Variants in SIAE observed in about 807,000 individuals in gnomAD.
SIAE encodes the protein sialate O-acetylesterase.
A neutral mutation model predicts 52.6 loss-of-function variants in SIAE; 39 were observed. The observed-to-expected ratio is 0.74, with a 90% CI of 0.57 to 0.97. The LOEUF is 0.97. Ranked by LOEUF, SIAE falls within the 50% of genes least tolerant of loss-of-function variation. SIAE has a pLI of 0.00. For synonymous variants in SIAE, 233 were observed against 241.4 expected, an observed-to-expected ratio of 0.97 and a Z score of 0.32; for missense variants, 592 against 662.1, an observed-to-expected ratio of 0.89 and a Z score of 1.16.
At chr11:124,638,783 A>C (rs777759570) in intron 8 of SIAE, 46 bp from the exon 9 acceptor site, 2 of 1,481,292 alleles carry the variant, frequency 1.4e-6, no homozygotes, top group Admixed American at 1.7e-5. Flanking sequence ...TAAGCTCAAC[A>C]ATCACCACAT....
intron 1 of SIAE, 66 bp from the exon 2 acceptor site, chr11:124,669,587 G>T: frequency 1.4e-6 from 2 of 1,413,740 alleles, no homozygotes; most frequent in South Asian, 1.2e-5. Context: ...TGGATCAAGT[G>T]AAACAGCAAA....
chr11:124,660,936 T>C, intron 2 of SIAE, 133 bp from the exon 3 acceptor site: 1 of 954,628 alleles, frequency 1.0e-6, no homozygotes, highest in Non-Finnish European at 1.7e-6. Context: ...TGGCCAAATT[T>C]CAGATAAGAG....
At chr11:124,659,253 T>G (rs1352264112) in intron 3 of SIAE, 1 of 152,240 alleles carries the variant, frequency 6.6e-6, no homozygotes, top group Non-Finnish European at 1.5e-5. Flanking sequence ...TGCCTTTCTG[T>G]GCAAACAGGG....
At position 124,636,243 on chromosome 11, in the gene SIAE, CT is replaced by C. The variant is rs1318745725; in HGVS notation, c.*707del. 1 of 152,644 alleles carries C rather than the reference CT, an allele frequency of 6.6e-6. No homozygotes were observed. Among genetic ancestry groups the C allele is most frequent in the Non-Finnish European group, 1.5e-5 (1 of 68,428 alleles). The allele number at this position is 152,644 out of a possible 1,614,324, so 9.5% of individuals were successfully genotyped here. ...CCTGCACATGTTTCTTATTTCATTT[CT>C]TAAACATTCATATTACCACTATTTA... On this transcript the variant is annotated 3_prime_UTR_variant, in exon 10 of 10. Coordinates refer to ENST00000263593, the MANE Select transcript of SIAE (RefSeq NM_170601.5).
chr11:124,664,176 T>C (rs915154565), intron 2 of SIAE, among the ~76,000 whole-genome samples: 9 of 152,056 alleles, frequency 5.9e-5, no homozygotes, highest in South Asian at 2.1e-4. Flanking sequence ...AAGAGAGCCA[T>C]GCAAATTGAC....
intron 2 of SIAE, among the ~76,000 whole-genome samples, chr11:124,668,901 TAAGGTAAG>T (rs933803360): frequency 6.6e-6 from 1 of 152,200 alleles, no homozygotes; most frequent in Non-Finnish European, 1.5e-5. Context: ...TAAGACTTTT[TAAGGTAAG>T]AAGGTAAGAA....
rs1942674876 is a variant in SIAE at position 124,634,348 on chromosome 11, A to AAAAC, written c.*2599_*2602dup. ...AAACTCCAACTCAAAAACAAAAACA[A>AAAAC]AAACACCTTGAAAAACACTGCCTTA... On this transcript the variant is annotated 3_prime_UTR_variant, in exon 10 of 10. Coordinates refer to ENST00000263593, the MANE Select transcript of SIAE (RefSeq NM_170601.5). 1 of 152,182 alleles carries AAAAC rather than the reference A, an allele frequency of 6.6e-6. No homozygotes were observed. Among genetic ancestry groups the AAAAC allele is most frequent in the South Asian group, 2.1e-4 (1 of 4,828 alleles). 9.4% of individuals were successfully genotyped at this position (152,182 alleles called of 1,614,324 possible).
intron 2 of SIAE, among the ~76,000 whole-genome samples, chr11:124,662,628 G>A (rs1017517698): frequency 1.3e-5 from 2 of 152,080 alleles, no homozygotes; most frequent in Admixed American, 6.6e-5. Flanking sequence ...AAACTATTTA[G>A]GCCAAACATA....
At chr11:124,657,752 C>A (rs55705957) in intron 3 of SIAE, among the ~76,000 whole-genome samples, 2,563 of 152,240 alleles carry the variant, frequency 0.017, 70 homozygotes, top group African/African-American at 0.058. Context: ...CTGTACCTGA[C>A]AACATAATGA....
At chr11:124,649,836 G>T (rs777814548) in intron 4 of SIAE, 40 bp from the exon 5 acceptor site, 2 of 1,608,968 alleles carry the variant, frequency 1.2e-6, no homozygotes, top group South Asian at 2.2e-5. Context: ...GCCAGAGAAA[G>T]GTTGATGGAT....
chr11:124,638,432 A>G, intron 9 of SIAE, 110 bp downstream of exon 9: 5 of 1,238,824 alleles, frequency 4.0e-6, no homozygotes, highest in Non-Finnish European at 1.2e-6. Context: ...TCAGCCCCCA[A>G]CCAACCAAGA....
chr11:124,660,383 C>T (rs1943168704), intron 3 of SIAE: 1 of 523,600 alleles, frequency 1.9e-6, no homozygotes, highest in Non-Finnish European at 3.5e-6. Flanking sequence ...AATACTCCTT[C>T]TAAGTTCTTA....
Position 124,654,651 on chromosome 11 carries a change from A to T in SIAE, c.544+4T>A, listed in dbSNP as rs1238913441. On this transcript the variant is annotated splice_donor_region_variant and intron_variant, in intron 4 of 9. Transcript: ENST00000263593. ...AGAGACAGCACGTTCAAGCCGTCAC[A>T]TACCTGAGGTGGGCTTAGACCACTG... is the stretch of plus-strand genomic sequence containing the variant. 1.9e-6 allele frequency: 3 copies of T among 1,614,146 alleles called. No individual in the cohort carries two copies. In the Admixed American group the frequency reaches 5.0e-5, roughly 27 times the overall value.
Position 124,668,344 on chromosome 11 carries a change from A to T in SIAE, c.229+1016T>A, listed in dbSNP as rs150859588. Reference sequence around the variant, plus strand: ...GCACCTTGTTCTTCCTCACTGTGGCACTTATCACACTTAACGATAACTGCT... The same window carrying T: ...GCACCTTGTTCTTCCTCACTGTGGCTCTTATCACACTTAACGATAACTGCT... On this transcript the variant is annotated intron_variant, in intron 2 of 9. Transcript: ENST00000263593. Among the ~76,000 whole-genome samples, 194 of 152,292 alleles carry T rather than the reference A, an allele frequency of 1.3e-3. 2 individuals are homozygous for T. The East Asian group carries it at 0.026, about 20-fold the overall frequency.
chr11:124,644,068 G>A (rs1942890282), intron 7 of SIAE, among the ~76,000 whole-genome samples: 1 of 152,132 alleles, frequency 6.6e-6, no homozygotes, highest in African/African-American at 2.4e-5. Context: ...CGGAGAGGTT[G>A]CAATAATAAC....
intron 2 of SIAE, among the ~76,000 whole-genome samples, chr11:124,665,891 T>C (rs1200533363): frequency 6.6e-6 from 1 of 152,126 alleles, no homozygotes; most frequent in Non-Finnish European, 1.5e-5. Context: ...GGTTTTAGGC[T>C]TCTGTATTAT....
chr11:124,639,629 T>C (rs620499), intron 8 of SIAE, 81 bp downstream of exon 8: 71,611 of 1,588,498 alleles, frequency 0.045, 1,909 homozygotes, highest in Middle Eastern at 0.074. Flanking sequence ...CTCAGTCTAA[T>C]TGCCCCTCAC....
At chr11:124,671,352 G>A (rs1433617867) in intron 1 of SIAE, among the ~76,000 whole-genome samples, 1 of 151,820 alleles carries the variant, frequency 6.6e-6, no homozygotes, top group Admixed American at 6.6e-5. Flanking sequence ...AAGCATTGGG[G>A]ATATAACGAT....
rs369115342 is a variant in SIAE at position 124,641,596 on chromosome 11, A to C, written c.967-1729T>G. On this transcript the variant is annotated intron_variant, in intron 7 of 9. Transcript: ENST00000263593. Reference sequence around the variant, plus strand: ...CAATTAAGAAATTACAGAGCCACTGAAATTACTGACATGATCAAAGGACCA... The same window carrying C: ...CAATTAAGAAATTACAGAGCCACTGCAATTACTGACATGATCAAAGGACCA... 4.6e-5 allele frequency among the ~76,000 whole-genome samples: 7 copies of C among 152,240 alleles called. No individual in the cohort carries two copies. The East Asian group carries it at 7.7e-4, about 17-fold the overall frequency.
Sources: gnomAD v4.1 joint callset for allele counts (sites outside exome capture counted in the v4.1 genomes callset) on GRCh38, gnomAD v4.1.1 for gene constraint, MANE v1.5 for transcripts, NCBI Gene and HGNC (gene_info 2026-07-23, HGNC 2026-07-21) for gene names.